DCC: variants seen among roughly 807,000 people sequenced by gnomAD.
DCC encodes DCC netrin 1 receptor.
Under a neutral mutation model 172.5 loss-of-function variants are expected in DCC, and 58 were observed. The observed-to-expected ratio is 0.34, with a 90% CI of 0.27 to 0.42. The LOEUF is 0.42. Among genes scored for constraint, DCC ranks in the 10% least tolerant of loss-of-function variants. DCC has a pLI of 1.00. For missense variants in DCC, 1,740 were observed against 1,791.0 expected (o/e 0.97, Z 0.51); for synonymous variants, 709 against 644.5 (o/e 1.10, Z -1.52).
At position 53,063,662 on chromosome 18, in the gene DCC, CT is replaced by C. The variant is rs1352887990; in HGVS notation, c.1140+204del. ...AAGAGTGATCAAAGAATTCAGCCCC[CT>C]GGTTTTACAGACAAGACTTTAAAAC... is the stretch of plus-strand genomic sequence containing the variant. On this transcript the variant is annotated intron_variant, in intron 6 of 28. Coordinates refer to ENST00000442544, the MANE Select transcript of DCC (RefSeq NM_005215.4). The C allele has an allele frequency of 9.3e-6, 5 of 539,608 alleles. No individual in the cohort carries two copies. In the African/African-American group the frequency reaches 9.5e-5, roughly 10 times the overall value. The allele number at this position is 539,608 out of a possible 1,614,324, so 33.4% of individuals were successfully genotyped here. A position where few individuals can be genotyped will look rare whatever the true frequency, so the allele number is the denominator to read the frequency against.
chr18:52,416,583 A>G (rs1467183928), intron 1 of DCC, among the ~76,000 whole-genome samples: 1 of 151,518 alleles, frequency 6.6e-6, no homozygotes, highest in Admixed American at 6.6e-5. Flanking sequence ...TATATTTAGG[A>G]TAGTTAGCTC....
intron 15 of DCC, among the ~76,000 whole-genome samples, chr18:53,374,566 G>A (rs551212131): frequency 1.3e-5 from 2 of 152,100 alleles, no homozygotes; most frequent in South Asian, 2.1e-4. Context: ...ATACACACAC[G>A]TACACACTCA....
intron 2 of DCC, chr18:52,818,287 C>T (rs2038339918): frequency 6.6e-6 from 1 of 151,654 alleles, no homozygotes; most frequent in African/African-American, 2.4e-5. Flanking sequence ...TGGTGCATGC[C>T]TGTGATCCCA....
intron 1 of DCC, among the ~76,000 whole-genome samples, chr18:52,620,040 C>T (rs554701297): frequency 2.0e-5 from 3 of 152,286 alleles, no homozygotes; most frequent in South Asian, 4.1e-4. Context: ...GCCATTGAGG[C>T]CCCCTCGTAA....
At chr18:53,123,804 T>A (rs1331358419) in intron 7 of DCC, among the ~76,000 whole-genome samples, 2 of 152,110 alleles carry the variant, frequency 1.3e-5, no homozygotes, top group Admixed American at 6.6e-5. Context: ...CTTCAACGTG[T>A]CACGGTCCTT....
chr18:53,312,914 AGGGAGGGGAGGGGAG>A (rs1163804130), intron 13 of DCC, among the ~76,000 whole-genome samples: 1 of 52,650 alleles, frequency 1.9e-5, no homozygotes, highest in East Asian at 3.8e-4. Context: ...GGGAAGGGAA[AGGGAGGGGAGGGGAG>A]GGAAGGGAAA....
At chr18:52,364,807 T>A (rs1009075805) in intron 1 of DCC, among the ~76,000 whole-genome samples, 1 of 152,186 alleles carries the variant, frequency 6.6e-6, no homozygotes, top group Admixed American at 6.5e-5. Flanking sequence ...GGAGGTGGCA[T>A]GGTGAAGTCA....
intron 5 of DCC, among the ~76,000 whole-genome samples, chr18:52,959,701 C>T (rs1326598642): frequency 6.6e-6 from 1 of 152,070 alleles, no homozygotes; most frequent in South Asian, 2.1e-4. Flanking sequence ...GGGAGGCACA[C>T]AATAAATAAT....
intron 24 of DCC, among the ~76,000 whole-genome samples, chr18:53,459,814 C>G (rs1307406533): frequency 6.6e-6 from 1 of 152,096 alleles, no homozygotes; most frequent in Admixed American, 6.6e-5. Context: ...TTGAAGCCAT[C>G]TGTACATTTT....
At chr18:53,213,403 A>C (rs1238191519) in intron 11 of DCC, among the ~76,000 whole-genome samples, 1 of 152,032 alleles carries the variant, frequency 6.6e-6, no homozygotes, top group Non-Finnish European at 1.5e-5. Flanking sequence ...TAATCCCAGC[A>C]CTTTGGGAGG....
chr18:52,857,868 A>G lies in DCC; in HGVS notation c.413-48176A>G, dbSNP rs72922205. On this transcript the variant is annotated intron_variant, in intron 2 of 28. Transcript: ENST00000442544. ...AAATCTGTGCAAATGAGAAAATAAT[A>G]ATCTCCTCATAATTAGAACTCCCTT... Among the ~76,000 whole-genome samples the G allele has an allele frequency of 2.9e-3, 445 of 152,326 alleles. 1 individual carries two copies. Among genetic ancestry groups the G allele is most frequent in the Non-Finnish European group, 5.3e-3 (358 of 68,028 alleles).
chr18:52,932,649 T>A (rs2040323502), intron 5 of DCC, among the ~76,000 whole-genome samples: 1 of 152,140 alleles, frequency 6.6e-6, no homozygotes, highest in African/African-American at 2.4e-5. Flanking sequence ...CCTCTAGGAA[T>A]GTGTTAAGTA....
rs923404366 is a variant in DCC, at chr18:53,487,897, T to C, written c.3898+939T>C. Among the ~76,000 whole-genome samples the C allele has an allele frequency of 2.0e-5, 3 of 152,078 alleles. No individual in the cohort carries two copies. In the East Asian group the frequency reaches 5.8e-4, roughly 29 times the overall value. ...ATTGAAGGGAATTAAATAGGAAAGATGTAGAAAGTCTAATAACCAAAATTT... is the reference window on the plus strand; with the variant it reads ...ATTGAAGGGAATTAAATAGGAAAGACGTAGAAAGTCTAATAACCAAAATTT... On this transcript the variant is annotated intron_variant, in intron 26 of 28. Transcript: ENST00000442544.
At chr18:53,156,083 C>T (rs2144393248) in intron 7 of DCC, among the ~76,000 whole-genome samples, 1 of 152,284 alleles carries the variant, frequency 6.6e-6, no homozygotes, top group Middle Eastern at 3.4e-3. Flanking sequence ...ATTGGTTTGA[C>T]TTCCAAATTA....
intron 1 of DCC, among the ~76,000 whole-genome samples, chr18:52,432,601 T>C (rs1397472398): frequency 6.6e-6 from 1 of 150,520 alleles, no homozygotes; most frequent in East Asian, 1.9e-4. Context: ...CAGCTCTTTA[T>C]CTCTCTCCTT....
Position 52,466,398 on chromosome 18 carries a change from G to A in DCC, c.91+125520G>A, listed in dbSNP as rs115713016. 1.1e-3 allele frequency among the ~76,000 whole-genome samples: 165 copies of A among 152,152 alleles called. 1 individual carries two copies. Among genetic ancestry groups the A allele is most frequent in the African/African-American group, 3.8e-3 (159 of 41,510 alleles). On this transcript the variant is annotated intron_variant, in intron 1 of 28. Transcript: ENST00000442544. ...TCACATAACATCATAATGTAGCATGGGAAACTCGAAAAACATTTAGCCTTA... is the reference window on the plus strand; with the variant it reads ...TCACATAACATCATAATGTAGCATGAGAAACTCGAAAAACATTTAGCCTTA...
chr18:52,830,997 G>A (rs2038604456), intron 2 of DCC, among the ~76,000 whole-genome samples: 1 of 152,016 alleles, frequency 6.6e-6, no homozygotes, highest in Admixed American at 6.6e-5. Context: ...AGATCTCAGG[G>A]CATAGGGCAA....
intron 15 of DCC, among the ~76,000 whole-genome samples, chr18:53,371,646 TGAG>T (rs2144958394): frequency 6.6e-6 from 1 of 152,090 alleles, no homozygotes; most frequent in Admixed American, 6.6e-5. Flanking sequence ...TGAATTGTTA[TGAG>T]AAGTGTCAGC....
At chr18:52,773,711 T>C (rs1474390150) in intron 2 of DCC, among the ~76,000 whole-genome samples, 1 of 152,140 alleles carries the variant, frequency 6.6e-6, no homozygotes, top group Non-Finnish European at 1.5e-5. Flanking sequence ...GTATTTTTAG[T>C]AGAGACGGGG....
Sources: allele counts gnomAD v4.1 joint callset (sites outside exome capture counted in the v4.1 genomes callset), GRCh38; gene constraint gnomAD v4.1.1; transcripts MANE v1.5; gene names NCBI Gene and HGNC (gene_info 2026-07-23, HGNC 2026-07-21).